The following CFAP74 variants were observed in gnomAD, a reference collection of about 807,000 sequenced individuals.
The protein encoded by CFAP74 is cilia and flagella associated protein 74, also known as cilia- and flagella-associated protein 74.
CFAP74 carries 124 observed loss-of-function variants against 188.9 expected under a neutral mutation model. The observed-to-expected ratio is 0.66, with a 90% CI of 0.57 to 0.76. CFAP74 has a LOEUF of 0.76. Ranked by LOEUF, CFAP74 falls within the 30% of genes least tolerant of loss-of-function variation. The pLI, the probability that CFAP74 is intolerant of heterozygous loss-of-function variation, is 0.00. For missense variants in CFAP74, 2,198 were observed against 2,165.2 expected (o/e 1.02, Z -0.30); for synonymous variants, 956 against 916.7 (o/e 1.04, Z -0.77).
At chr1:1,939,373 C>A (rs1208183730) in intron 24 of CFAP74, among the ~76,000 whole-genome samples, 1 of 152,206 alleles carries the variant, frequency 6.6e-6, no homozygotes, top group Non-Finnish European at 1.5e-5. Context: ...GGAGAGGGAT[C>A]TGGAGCGCAG....
intron 6 of CFAP74, among the ~76,000 whole-genome samples, chr1:1,982,544 G>C (rs1233597078): frequency 1.3e-5 from 2 of 152,262 alleles, no homozygotes; most frequent in African/African-American, 4.8e-5. Context: ...ACTGGGTGGA[G>C]AGCAGACCAG....
At chr1:1,946,512 G>A in intron 19 of CFAP74, 73 bp from the exon 20 acceptor site, 1 of 1,450,496 alleles carries the variant, frequency 6.9e-7, no homozygotes, top group Non-Finnish European at 9.1e-7. Context: ...CCCTCACAAT[G>A]GCATGTTGCT....
chr1:1,950,345 T>C (rs1159085582), intron 18 of CFAP74, among the ~76,000 whole-genome samples: 1 of 151,898 alleles, frequency 6.6e-6, no homozygotes, highest in Non-Finnish European at 1.5e-5. Flanking sequence ...CATTTTTTTT[T>C]TTTTTTTGAG....
chr1:1,960,723 G>A (rs1655020162), intron 14 of CFAP74, among the ~76,000 whole-genome samples: 1 of 152,254 alleles, frequency 6.6e-6, no homozygotes, highest in Admixed American at 6.5e-5. Context: ...ACCAGCAGAA[G>A]CAAACCCAAA....
At position 1,922,416 on chromosome 1, in the gene CFAP74, G is replaced by T. The variant is rs779511914; in HGVS notation, c.4819-28C>A. ...GGAACAGGAGGGGAGGGGAGAAGAG[G>T]CCTTCAGTCAGTGGGCACCCAGAGG... On this transcript the variant is annotated intron_variant, in intron 38 of 38. Transcript: ENST00000682832. 5 of 1,591,418 alleles carry T rather than the reference G, an allele frequency of 3.1e-6. No individual in the cohort carries two copies. In the South Asian group the frequency reaches 5.6e-5, roughly 18 times the overall value.
At chr1:1,990,393 G>T (rs1482118587) in intron 2 of CFAP74, among the ~76,000 whole-genome samples, 1 of 146,790 alleles carries the variant, frequency 6.8e-6, no homozygotes, top group Admixed American at 6.8e-5. Context: ...AGTGGCGGGG[G>T]GCAGGGGGGA....
chr1:1,954,344 T>G (rs1219616140), intron 18 of CFAP74: 1 of 152,250 alleles, frequency 6.6e-6, no homozygotes, highest in Non-Finnish European at 1.5e-5. Flanking sequence ...AATGTGGCCC[T>G]TGTGGAGGAG....
chr1:1,993,793 T>C (rs145216744), intron 1 of CFAP74, among the ~76,000 whole-genome samples: 168 of 18,474 alleles, frequency 9.1e-3, no homozygotes, highest in Admixed American at 0.023. Flanking sequence ...CCATCCTGGC[T>C]AACACAATGA....
chr1:1,924,991 G>A (rs777739851), intron 33 of CFAP74, among the ~76,000 whole-genome samples: 1 of 151,224 alleles, frequency 6.6e-6, no homozygotes, highest in Non-Finnish European at 1.5e-5. Context: ...GGCACACGCT[G>A]GTGCGAAGGC....
At chr1:1,944,283 C>A in intron 21 of CFAP74, 48 bp downstream of exon 21, 4 of 1,521,772 alleles carry the variant, frequency 2.6e-6, no homozygotes, top group Non-Finnish European at 2.6e-6. Flanking sequence ...CAGCGGCTCA[C>A]CCCGTGTGCG....
chr1:1,966,304 A>T, intron 12 of CFAP74, 67 bp downstream of exon 12: 1 of 1,378,922 alleles, frequency 7.3e-7, no homozygotes, highest in Non-Finnish European at 9.6e-7. Context: ...CAGGCGTGGG[A>T]GGTGGCGAGC....
rs1040425749 is a variant in CFAP74 at position 1,923,287 on chromosome 1, G to T, written c.4522+80C>A. 3.3e-6 allele frequency: 5 copies of T among 1,504,222 alleles called. No individual in the cohort carries two copies. Among genetic ancestry groups the T allele is most frequent in the Non-Finnish European group, 4.5e-6 (5 of 1,117,864 alleles). The allele number at this position is 1,504,222 out of a possible 1,614,324, so 93.2% of individuals were successfully genotyped here. ...AGGCTGGGAATCCCTGCCCTGCTCCGCTGGGTCTCGGGGCCCCCATCCACG... is the reference window on the plus strand; with the variant it reads ...AGGCTGGGAATCCCTGCCCTGCTCCTCTGGGTCTCGGGGCCCCCATCCACG... On this transcript the variant is annotated intron_variant, in intron 36 of 38. Coordinates refer to ENST00000682832, the MANE Select transcript of CFAP74 (RefSeq NM_001304360.2). The surrounding 1 kb of genome is among the most constrained non-coding windows in gnomAD (Gnocchi z 6.3).
rs1364550248 is a variant in CFAP74, at chr1:1,963,802, GT to G, written c.1640del (p.Asn547ThrfsTer41). 8 of 1,613,932 alleles carry G rather than the reference GT, an allele frequency of 5.0e-6. No homozygotes were observed. Among genetic ancestry groups the G allele is most frequent in the Non-Finnish European group, 5.9e-6 (7 of 1,180,000 alleles). Reference sequence around the variant, plus strand: ...CCTCCACGCCCACCAGCTTGCAGTAGTTGATCGTGTAGGTGGTGTTTACCAA... The same window carrying G: ...CCTCCACGCCCACCAGCTTGCAGTAGTGATCGTGTAGGTGGTGTTTACCAA... ...ITLVNTTYTI[N>X]YCKLVGVEEH... On this transcript the variant is annotated frameshift_variant, in exon 14 of 39. Coordinates refer to ENST00000682832, the MANE Select transcript of CFAP74 (RefSeq NM_001304360.2). LOFTEE classifies it high-confidence loss of function.
chr1:1,984,967 G>A (rs1441460773), intron 6 of CFAP74: 3 of 175,118 alleles, frequency 1.7e-5, no homozygotes, highest in Non-Finnish European at 3.7e-5. Flanking sequence ...CCCCTCAGTC[G>A]CCCTGAGAAA....
chr1:1,955,134 T>C (rs1280049038), intron 18 of CFAP74: 1 of 1,199,922 alleles, frequency 8.3e-7, no homozygotes, highest in East Asian at 6.8e-5. Context: ...CTGCAGGGCG[T>C]GCGGAACGCG....
At chr1:1,992,869 G>T (rs138797759) in intron 1 of CFAP74, among the ~76,000 whole-genome samples, 1 of 151,934 alleles carries the variant, frequency 6.6e-6, no homozygotes, top group Non-Finnish European at 1.5e-5. Flanking sequence ...TCTTGGTACC[G>T]AATCTTCTGT....
chr1:1,922,733 A>G lies in CFAP74; in HGVS notation c.4684-10T>C. 6.3e-7 allele frequency: 1 copy of G among 1,599,626 alleles called. No individual in the cohort carries two copies. The highest frequency in any genetic ancestry group is 8.5e-7 in the Non-Finnish European group (1 of 1,173,158). On this transcript the variant is annotated splice_polypyrimidine_tract_variant and intron_variant, in intron 37 of 38. Transcript: ENST00000682832. ...TGCTGAACTCAACGGTCTGTGGGGT[A>G]TGGGGCTCCTGTAGGCTGGCGACCA...
rs938262982 is a variant in CFAP74 at position 1,946,492 on chromosome 1, C to T, written c.2242-53G>A. 6.2e-5 allele frequency: 92 copies of T among 1,472,938 alleles called. 1 individual carries two copies. In the African/African-American group the frequency reaches 1.2e-3, roughly 20 times the overall value. The allele number at this position is 1,472,938 out of a possible 1,614,324, so 91.2% of individuals were successfully genotyped here. A position where few individuals can be genotyped will look rare whatever the true frequency, so the allele number is the denominator to read the frequency against. Reference sequence around the variant, plus strand: ...TGCCAGGCTTCATGGCTTTTAAGATCCCTTCCCAACCCTCACAATGGCATG... The same window carrying T: ...TGCCAGGCTTCATGGCTTTTAAGATTCCTTCCCAACCCTCACAATGGCATG... On this transcript the variant is annotated intron_variant, in intron 19 of 38. Transcript: ENST00000682832.
intron 5 of CFAP74, among the ~76,000 whole-genome samples, 182 bp downstream of exon 5, chr1:1,986,755 G>A (rs1657264412): frequency 6.6e-6 from 1 of 152,230 alleles, no homozygotes. Flanking sequence ...CAGCCCCAGT[G>A]CCCTCCAGGC....
Sources: gnomAD v4.1 joint callset for allele counts (sites outside exome capture counted in the v4.1 genomes callset) on GRCh38, gnomAD v4.1.1 for gene constraint, Gnocchi (gnomAD v3.1) non-coding constraint, MANE v1.5 for transcripts, NCBI Gene and HGNC (gene_info 2026-07-23, HGNC 2026-07-21) for gene names.